Variants in SEC16A observed in about 807,000 individuals in gnomAD.
The protein encoded by SEC16A is protein transport protein Sec16A.
Under a neutral mutation model 221.9 loss-of-function variants are expected in SEC16A, and 110 were observed. That is an observed-to-expected ratio of 0.50 (90% confidence interval 0.42 to 0.58). SEC16A has a LOEUF of 0.58. Ranked by LOEUF, SEC16A falls within the 20% of genes least tolerant of loss-of-function variation. SEC16A has a pLI of 0.00. For synonymous variants in SEC16A, 1,393 were observed against 1,257.7 expected, an observed-to-expected ratio of 1.11 and a Z score of -2.28; for missense variants, 3,165 against 3,097.8, an observed-to-expected ratio of 1.02 and a Z score of -0.52.
In SEC16A at chr9:136,473,032, CCTT is replaced by C. The variant is rs1267888641; in HGVS notation, c.3568-924_3568-922del. ...TATGGAAATAAAAAGTGCCTGGGCTCCTTCTGGAACCTACACAGGTCTGAGGGG... is the reference window on the plus strand; with the variant it reads ...TATGGAAATAAAAAGTGCCTGGGCTCCTGGAACCTACACAGGTCTGAGGGG... On this transcript the variant is annotated intron_variant, in intron 3 of 31. Coordinates refer to ENST00000684901, the MANE Select transcript of SEC16A (RefSeq NM_014866.2). 2.0e-5 allele frequency among the ~76,000 whole-genome samples: 3 copies of C among 152,354 alleles called. No individual in the cohort carries two copies. The East Asian group carries it at 5.8e-4, about 29-fold the overall frequency.
In SEC16A at chr9:136,447,664, G is replaced by A. The variant is rs773519355; in HGVS notation, c.6464C>T (p.Pro2155Leu). 3 of 1,611,814 alleles carry A rather than the reference G, an allele frequency of 1.9e-6. No homozygotes were observed. The South Asian group carries it at 3.3e-5, about 18-fold the overall frequency. ...AGTCTTGGGCATCGAGGTTGGAGGT[G>A]GGGGCGGGGCTTTCTTCTGCAGAGG... ...EPEEEKKAPP[P>L]PPTSMPKTVQ... Residue 2155 changes from proline (P) to leucine (L), a missense_variant, in exon 26 of 32, where the codon CCA becomes CTA. Physicochemically the swap from Pro to Leu is moderately conservative, Grantham distance 98 (BLOSUM62 -3). Around this residue, in one of 3 missense-constraint regions of SEC16A, gnomAD observed 1,088 missense variants for 1,089.6 expected, o/e 1.00. Coordinates refer to ENST00000684901, the MANE Select transcript of SEC16A (RefSeq NM_014866.2). This position sits in a 1 kb window ranked among gnomAD's most constrained non-coding sequence, Gnocchi z 5.5.
chr9:136,454,904 C>T (rs1838393072), intron 20 of SEC16A, among the ~76,000 whole-genome samples: 1 of 152,170 alleles, frequency 6.6e-6, no homozygotes, highest in Non-Finnish European at 1.5e-5. Context: ...GGAGGGTGGG[C>T]AGTGGGCCCA....
In SEC16A at chr9:136,475,683, A is replaced by C. The variant is rs758563364; in HGVS notation, c.1933T>G (p.Cys645Gly). The C allele has an allele frequency of 2.5e-6, 4 of 1,613,582 alleles. No homozygotes were observed. Among genetic ancestry groups the C allele is most frequent in the Non-Finnish European group, 1.7e-6 (2 of 1,179,808 alleles). ...TCGGGCAGGGCGGCAGCTGGTCTGC[A>C]CTGCTTCTGGCGGACACAGGTCTCC... ...VRETCVRQKQ[C>G]RPAAALPDAS... The change falls in exon 3 of 32, where the codon TGC (cysteine) becomes GGC (glycine). Residue 645 changes from cysteine to glycine, a missense_variant. Physicochemically the swap from Cys to Gly is radical, Grantham distance 159 (BLOSUM62 -3). This residue lies in a region of SEC16A where 2,030 missense variants were observed against 1,923.1 expected (regional missense o/e 1.06). Transcript: ENST00000684901. The surrounding 1 kb of genome is among the most constrained non-coding windows in gnomAD (Gnocchi z 5.0).
chr9:136,455,555 G>A (rs897126296), intron 20 of SEC16A, 46 bp downstream of exon 20: 8 of 1,492,554 alleles, frequency 5.4e-6, no homozygotes, highest in Non-Finnish European at 7.2e-6. Context: ...CAGCCCACAG[G>A]AAGCAGGGGC....
Position 136,459,480 on chromosome 9 carries a change from T to A in SEC16A, c.5267A>T (p.Lys1756Ile), listed in dbSNP as rs758320813. ...TCCGATTAAGACAAGCTTTGTAGTT[T>A]TCTTCGTGTAAACACCAAATCCCGC... ...AQAGFGVYTKKTTKLVLIGSN... is the reference protein window; with the variant it reads ...AQAGFGVYTKITTKLVLIGSN... Residue 1756 changes from lysine to isoleucine, a missense_variant, in exon 16 of 32, where the codon AAA becomes ATA. By Grantham distance (102) the Lys-to-Ile change is moderately radical. Around this residue, in one of 3 missense-constraint regions of SEC16A, gnomAD observed 1,088 missense variants for 1,089.6 expected, o/e 1.00. Coordinates refer to ENST00000684901, the MANE Select transcript of SEC16A (RefSeq NM_014866.2). This position sits in a 1 kb window ranked among gnomAD's most constrained non-coding sequence, Gnocchi z 6.1. 4 of 1,608,264 alleles carry A rather than the reference T, an allele frequency of 2.5e-6. No individual in the cohort carries two copies. In the South Asian group the frequency reaches 4.4e-5, roughly 18 times the overall value.
chr9:136,457,552 C>T lies in SEC16A; in HGVS notation c.5442G>A (p.Ala1814=), dbSNP rs539522346. The T allele has an allele frequency of 8.1e-6, 13 of 1,610,994 alleles. 1 individual carries two copies. The highest frequency in any genetic ancestry group is 1.7e-5 in the Admixed American group (1 of 59,704). The change falls in exon 18 of 32, where the codon GCG becomes GCA. Residue 1814 remains alanine (A), a synonymous_variant. Transcript: ENST00000684901. ...AGGCTTGCGTGGCCAGCCCCATTTC[C>T]GCCAGGCGGCAGGAGTAGATGAACT... is the stretch of plus-strand genomic sequence containing the variant. The part of the protein sequence containing the change: ...VFKFIYSCRL[A]EMGLATQAFH...
intron 1 of SEC16A, among the ~76,000 whole-genome samples, chr9:136,479,270 C>T (rs1842020649): frequency 6.6e-6 from 1 of 152,250 alleles, no homozygotes; most frequent in East Asian, 1.9e-4. Flanking sequence ...TTCTTCTTGT[C>T]AGCACCACCC....
intron 4 of SEC16A, among the ~76,000 whole-genome samples, chr9:136,469,845 G>C (rs933387334): frequency 2.6e-5 from 4 of 152,202 alleles, no homozygotes; most frequent in African/African-American, 4.8e-5. Flanking sequence ...GTGGCATGGG[G>C]CCCGGCCCAC....
rs560405775 is a variant in SEC16A, at chr9:136,440,254, T to A, written c.*1501A>T. ...AGCGGGCAGAGCCGACCGGAAGAGG[T>A]CCCAGGATTCACACGAGCTGACCGA... On this transcript the variant is annotated 3_prime_UTR_variant, in exon 32 of 32. Coordinates refer to ENST00000684901, the MANE Select transcript of SEC16A (RefSeq NM_014866.2). The A allele has an allele frequency of 6.6e-6, 1 of 152,248 alleles. No individual in the cohort carries two copies. The highest frequency in any genetic ancestry group is 2.1e-4 in the South Asian group (1 of 4,814). The allele number at this position is 152,248 out of a possible 1,614,324, so 9.4% of individuals were successfully genotyped here. A position where few individuals can be genotyped will look rare whatever the true frequency, so the allele number is the denominator to read the frequency against.
At chr9:136,483,075 T>G (rs1361076754), upstream of SEC16A, 9 of 961,038 alleles carry the variant, frequency 9.4e-6, no homozygotes, top group African/African-American at 1.8e-5. Flanking sequence ...GCCGCCGACG[T>G]GTCCGGCTTA....
chr9:136,446,278 GT>G (rs928844910), intron 28 of SEC16A, among the ~76,000 whole-genome samples: 10 of 144,572 alleles, frequency 6.9e-5, no homozygotes, highest in Non-Finnish European at 9.2e-5. Context: ...GGTAAATTTT[GT>G]TTTTTTTTTA....
chr9:136,448,781 G>A (rs1163196113), intron 23 of SEC16A: 1 of 714,686 alleles, frequency 1.4e-6, no homozygotes, highest in African/African-American at 1.8e-5. Flanking sequence ...CAGGAGGATG[G>A]AGGTGGGGAG....
At position 136,441,173 on chromosome 9, in the gene SEC16A, A is replaced by G. The variant is rs1836146908; in HGVS notation, c.*582T>C. On this transcript the variant is annotated 3_prime_UTR_variant, in exon 32 of 32. Coordinates refer to ENST00000684901, the MANE Select transcript of SEC16A (RefSeq NM_014866.2). ...GGCCTCTCTCAAAAACCGTGAACTA[A>G]TGCCGAAGGAACCCCACGGCTCCTC... 1 of 153,580 alleles carries G rather than the reference A, an allele frequency of 6.5e-6. No homozygotes were observed. 9.5% of individuals were successfully genotyped at this position (153,580 alleles called of 1,614,324 possible). A position where few individuals can be genotyped will look rare whatever the true frequency, so the allele number is the denominator to read the frequency against.
chr9:136,459,863 G>T lies in SEC16A; in HGVS notation c.5085C>A (p.Asp1695Glu). The stretch of plus-strand genomic sequence containing the variant: ...GCGGCCTCCAATCTCCCCATTTCTC[G>T]TCTCCACAGCACTAACATGAGGAAA... ...RMPAASTCCG[D>E]EKWGDWRPHL... Residue 1695 changes from aspartate (D) to glutamate (E), a missense_variant, in exon 15 of 32, where the codon GAC becomes GAA. Physicochemically the swap from Asp to Glu is conservative, Grantham distance 45. Transcript: ENST00000684901. The surrounding 1 kb of genome is among the most constrained non-coding windows in gnomAD (Gnocchi z 6.1). 1 of 1,613,004 alleles carries T rather than the reference G, an allele frequency of 6.2e-7. No homozygotes were observed.
chr9:136,476,903 GGAACAGGTC>G lies in SEC16A; in HGVS notation c.704_712del (p.Gly235_Pro238delinsAla). 1 of 1,611,748 alleles carries G rather than the reference GGAACAGGTC, an allele frequency of 6.2e-7. No individual in the cohort carries two copies. Among genetic ancestry groups the G allele is most frequent in the Non-Finnish European group, 8.5e-7 (1 of 1,179,546 alleles). ...GCTGGTGGCACAGGGCACCCCGCTG[GGAACAGGTC>G]CTTCAGGGCAGGGTGAACGATGTTG... On this transcript the variant is annotated inframe_deletion, in exon 3 of 32. Transcript: ENST00000684901.
Position 136,466,865 on chromosome 9 carries a change from G to T in SEC16A, c.3929+92C>A. 3 of 1,441,080 alleles carry T rather than the reference G, an allele frequency of 2.1e-6. No homozygotes were observed. The South Asian group carries it at 3.9e-5, about 19-fold the overall frequency. The allele number at this position is 1,441,080 out of a possible 1,614,324, so 89.3% of individuals were successfully genotyped here. ...GCAGATGCTCACCCAAACTACCACA[G>T]CTCTTTGTTAAAACCCAGACATGAG... is the stretch of plus-strand genomic sequence containing the variant. On this transcript the variant is annotated intron_variant, in intron 6 of 31. Coordinates refer to ENST00000684901, the MANE Select transcript of SEC16A (RefSeq NM_014866.2). The surrounding 1 kb of genome is among the most constrained non-coding windows in gnomAD (Gnocchi z 5.5).
At position 136,451,528 on chromosome 9, in the gene SEC16A, C is replaced by G. The variant is rs1173870943; in HGVS notation, c.6160-120G>C. 5.8e-6 allele frequency: 7 copies of G among 1,200,014 alleles called. No homozygotes were observed. In the East Asian group the frequency reaches 1.9e-4, roughly 32 times the overall value. 74.3% of individuals were successfully genotyped at this position (1,200,014 alleles called of 1,614,324 possible). A position where few individuals can be genotyped will look rare whatever the true frequency, so the allele number is the denominator to read the frequency against. On this transcript the variant is annotated intron_variant, in intron 22 of 31. Transcript: ENST00000684901. ...TACATCACTGAGAGGCCGGATGACT[C>G]TGGTGACCAGAGGGAGGCAGGAAGG...
Position 136,474,043 on chromosome 9 carries a change from T to TCTTA in SEC16A, c.3567+2_3567+5dup. ...AAGTGGGTTACACATACGACTCGAC[T>TCTTA]CTTACCTGGTAATAGAGGGAGGCTG... On this transcript the variant is annotated splice_donor_region_variant and intron_variant, in intron 3 of 31. Coordinates refer to ENST00000684901, the MANE Select transcript of SEC16A (RefSeq NM_014866.2). The TCTTA allele has an allele frequency of 6.3e-7, 1 of 1,594,978 alleles. No individual in the cohort carries two copies. Among genetic ancestry groups the TCTTA allele is most frequent in the Non-Finnish European group, 8.6e-7 (1 of 1,168,928 alleles).
rs141837645 is a variant in SEC16A, at chr9:136,451,237, C to T, written c.6312+19G>A. 132 of 1,605,280 alleles carry T rather than the reference C, an allele frequency of 8.2e-5. No homozygotes were observed. In the African/African-American group the frequency reaches 1.5e-3, roughly 18 times the overall value. On this transcript the variant is annotated intron_variant, in intron 23 of 31. Coordinates refer to ENST00000684901, the MANE Select transcript of SEC16A (RefSeq NM_014866.2). Reference sequence around the variant, plus strand: ...AAACCCTCCCGGCCGCCAGGCGCACCGTGGGCAGGCTGTACTACCTTCTTA... The same window carrying T: ...AAACCCTCCCGGCCGCCAGGCGCACTGTGGGCAGGCTGTACTACCTTCTTA...
Sources: allele counts gnomAD v4.1 joint callset (sites outside exome capture counted in the v4.1 genomes callset), GRCh38; gene constraint gnomAD v4.1.1; regional missense constraint gnomAD v4.1.1; non-coding constraint Gnocchi (gnomAD v3.1); transcripts MANE v1.5; gene names NCBI Gene and HGNC (gene_info 2026-07-23, HGNC 2026-07-21).